Variants in COL4A3 observed in about 807,000 individuals in gnomAD.
COL4A3 encodes collagen alpha-3(IV) chain.
In COL4A3, 135 loss-of-function variants were observed where a neutral mutation model predicts 217.4. The ratio of observed to expected loss-of-function variants is 0.62; its 90% CI spans 0.54 to 0.72. The LOEUF is 0.72. Among genes scored for constraint, COL4A3 ranks in the 30% least tolerant of loss-of-function variants. COL4A3 has a pLI of 0.00. For synonymous variants in COL4A3, 690 were observed against 736.3 expected (o/e 0.94, Z 1.02); for missense variants, 1,868 against 2,119.9 (o/e 0.88, Z 2.33).
At chr2:227,227,014 A>T (rs1331190845) in intron 1 of COL4A3, among the ~76,000 whole-genome samples, 2 of 152,260 alleles carry the variant, frequency 1.3e-5, no homozygotes, top group Non-Finnish European at 2.9e-5. Context: ...TAAAGTTTAT[A>T]TAATTTTCAC....
intron 2 of COL4A3, among the ~76,000 whole-genome samples, chr2:227,238,779 A>G (rs927914240): frequency 2.0e-5 from 3 of 152,310 alleles, no homozygotes; most frequent in Non-Finnish European, 4.4e-5. Context: ...CTTATTTTAA[A>G]TTATTTCATA....
chr2:227,236,803 G>A (rs922656032), intron 1 of COL4A3, among the ~76,000 whole-genome samples: 1 of 151,966 alleles, frequency 6.6e-6, no homozygotes, highest in Non-Finnish European at 1.5e-5. Context: ...GGAATTACAG[G>A]AGCCCACCAC....
chr2:227,291,863 T>C (rs1253822631), intron 37 of COL4A3, among the ~76,000 whole-genome samples: 1 of 152,182 alleles, frequency 6.6e-6, no homozygotes, highest in East Asian at 1.9e-4. Context: ...TTGGCTGCTT[T>C]CTTAGGTTTA....
rs774838919 is a variant in COL4A3 at position 227,280,952 on chromosome 2, G to A, written c.2434G>A (p.Gly812Ser). 61 of 1,568,438 alleles carry A rather than the reference G, an allele frequency of 3.9e-5. No individual in the cohort carries two copies. The highest frequency in any genetic ancestry group is 1.3e-4 in the Admixed American group (7 of 53,930). The change falls in exon 31 of 52, where the codon GGT becomes AGT. Residue 812 changes from glycine to serine, a missense_variant. Around this residue, in one of 2 missense-constraint regions of COL4A3, gnomAD observed 1,503 missense variants for 1,786.1 expected, o/e 0.84. Coordinates refer to ENST00000396578, the MANE Select transcript of COL4A3 (RefSeq NM_000091.5). Reference sequence around the variant, plus strand: ...AGGACCCCCAGGAAGGTGCATAGAGGGTCCCAGGGGAGCCCAAGGACTTCC... The same window carrying A: ...AGGACCCCCAGGAAGGTGCATAGAGAGTCCCAGGGGAGCCCAAGGACTTCC... ...EQGPPGRCIE[G>S]PRGAQGLPGL...
intron 7 of COL4A3, 82 bp from the exon 8 acceptor site, chr2:227,247,476 T>C: frequency 3.0e-6 from 4 of 1,330,432 alleles, no homozygotes; most frequent in African/African-American, 1.4e-5. Context: ...GGATACACAA[T>C]AGCAGAGAGG....
chr2:227,272,987 G>T lies in COL4A3; in HGVS notation c.1797G>T (p.Gly599=), dbSNP rs938552760. The T allele has an allele frequency of 1.9e-6, 3 of 1,613,974 alleles. No individual in the cohort carries two copies. In the African/African-American group the frequency reaches 4.0e-5, roughly 22 times the overall value. Residue 599 remains glycine, a synonymous_variant, in exon 26 of 52, where the codon GGG becomes GGT. Transcript: ENST00000396578. ...AGAAAGGGGACCAAGGTCCTCCAGG[G>T]GATCCTGGCTCCCCTGGGTCCCCAG... ...SGEKGDQGPP[G]DPGSPGSPGP...
rs1206649395 is a variant in COL4A3, at chr2:227,259,783, C to T, written c.1030-10C>T. ...ATCCTTTCTCTGTATTTGTTTCTTT[C>T]TCCTCTAAGACAGAATATTATGACA... On this transcript the variant is annotated splice_polypyrimidine_tract_variant and intron_variant, in intron 18 of 51. Transcript: ENST00000396578. 3 of 1,589,508 alleles carry T rather than the reference C, an allele frequency of 1.9e-6. No homozygotes were observed. The African/African-American group carries it at 4.0e-5, about 21-fold the overall frequency.
Position 227,282,281 on chromosome 2 carries a change from T to TATATAC in COL4A3, c.2489-79_2489-78insCATATA. Reference sequence around the variant, plus strand: ...AGGGAGATTCCATCTTAAAAATATATATATATATATATATATATATTTCTG... The same window carrying TATATAC: ...AGGGAGATTCCATCTTAAAAATATATATATACATATATATATATATATATATTTCTG... On this transcript the variant is annotated intron_variant, in intron 31 of 51. Transcript: ENST00000396578. This position sits in a 1 kb window ranked among gnomAD's most constrained non-coding sequence, Gnocchi z 4.4. 4.1e-6 allele frequency: 1 copy of TATATAC among 246,800 alleles called. No homozygotes were observed. The allele number at this position is 246,800 out of a possible 1,614,324, so 15.3% of individuals were successfully genotyped here. A position where few individuals can be genotyped will look rare whatever the true frequency, so the allele number is the denominator to read the frequency against.
Position 227,164,777 on chromosome 2 carries a change from G to A in COL4A3, c.51G>A (p.Leu17=). 1 of 1,522,016 alleles carries A rather than the reference G, an allele frequency of 6.6e-7. No homozygotes were observed. The highest frequency in any genetic ancestry group is 8.8e-7 in the Non-Finnish European group (1 of 1,141,922). The allele number at this position is 1,522,016 out of a possible 1,614,324, so 94.3% of individuals were successfully genotyped here. ...CGCAGGTGCTCCTGCTGCCGCTCCT[G>A]CTGGTGCTCCTGGCGGCGGCGCCCG... The part of the protein sequence containing the change: ...PRPQVLLLPL[L]LVLLAAAPAA... Residue 17 remains leucine (L), a synonymous_variant, in exon 1 of 52, where the codon CTG becomes CTA. Transcript: ENST00000396578. The surrounding 1 kb of genome is among the most constrained non-coding windows in gnomAD (Gnocchi z 4.8).
rs1231144497 is a variant in COL4A3 at position 227,254,178 on chromosome 2, G to T, written c.828+4G>T. On this transcript the variant is annotated splice_donor_region_variant and intron_variant, in intron 14 of 51. Transcript: ENST00000396578. ...GCCTGGACCTCCTGGACCCTCAGTA[G>T]GTTATTTAAAGTTATATTGTCCCCA... 6.2e-7 allele frequency: 1 copy of T among 1,613,122 alleles called. No homozygotes were observed. The highest frequency in any genetic ancestry group is 1.1e-5 in the South Asian group (1 of 91,062).
rs375140456 is a variant in COL4A3, at chr2:227,313,464, C to A, written c.*1594C>A. On this transcript the variant is annotated 3_prime_UTR_variant, in exon 52 of 52. Coordinates refer to ENST00000396578, the MANE Select transcript of COL4A3 (RefSeq NM_000091.5). ...ACTAGTGTTATACTTGATGATAACA[C>A]TATTTGATGAGTCTTAGAGTCCAGA... is the stretch of plus-strand genomic sequence containing the variant. The A allele has an allele frequency of 6.6e-6, 1 of 152,614 alleles. No homozygotes were observed. The allele number at this position is 152,614 out of a possible 1,614,324, so 9.5% of individuals were successfully genotyped here.
At chr2:227,228,934 C>T (rs993937593) in intron 1 of COL4A3, among the ~76,000 whole-genome samples, 7 of 152,110 alleles carry the variant, frequency 4.6e-5, no homozygotes, top group African/African-American at 1.7e-4. Flanking sequence ...AGTAACAGCC[C>T]TCAGTGTATC....
intron 1 of COL4A3, among the ~76,000 whole-genome samples, chr2:227,185,010 T>C (rs2065978867): frequency 6.7e-6 from 1 of 148,460 alleles, no homozygotes; most frequent in Admixed American, 6.8e-5. Flanking sequence ...CATGCCATTC[T>C]CCTGTCTCAG....
At chr2:227,284,432 T>A in intron 34 of COL4A3, 87 bp downstream of exon 34, 1 of 1,472,322 alleles carries the variant, frequency 6.8e-7, no homozygotes, top group Non-Finnish European at 9.3e-7. Flanking sequence ...GGTTGACAAA[T>A]AAGGACAGTG....
At chr2:227,257,114 G>A (rs1033325701) in intron 17 of COL4A3, among the ~76,000 whole-genome samples, 1 of 152,170 alleles carries the variant, frequency 6.6e-6, no homozygotes, top group Non-Finnish European at 1.5e-5. Context: ...GTCCATCACT[G>A]ACCCAAACAT....
intron 11 of COL4A3, among the ~76,000 whole-genome samples, chr2:227,252,586 GCA>G (rs59472907): frequency 0.3 from 44,057 of 145,986 alleles, 6,479 homozygotes; most frequent in Middle Eastern, 0.47. Flanking sequence ...ACACACAAAT[GCA>G]CACACACACA....
rs1230244758 is a variant in COL4A3, at chr2:227,293,332, T to C, written c.3337+15T>C. 2.5e-6 allele frequency: 4 copies of C among 1,613,610 alleles called. No homozygotes were observed. In the Admixed American group the frequency reaches 5.0e-5, roughly 20 times the overall value. On this transcript the variant is annotated intron_variant, in intron 38 of 51. Transcript: ENST00000396578. Reference sequence around the variant, plus strand: ...TGGCCTCCCAGGTAAGGCTTGAGTTTACAATTCTAAAAGCTGGAAGCATTA... The same window carrying C: ...TGGCCTCCCAGGTAAGGCTTGAGTTCACAATTCTAAAAGCTGGAAGCATTA...
At chr2:227,280,285 A>G (rs1559894462) in intron 29 of COL4A3, among the ~76,000 whole-genome samples, 155 bp from the exon 30 acceptor site, 1 of 152,246 alleles carries the variant, frequency 6.6e-6, no homozygotes. Context: ...ATTAAACATA[A>G]TCTTACAGAA....
chr2:227,193,986 GA>G (rs1438672961), intron 1 of COL4A3, among the ~76,000 whole-genome samples: 1,940 of 67,516 alleles, frequency 0.029, 571 homozygotes, highest in East Asian at 0.072. Flanking sequence ...GAGAGAAGGA[GA>G]AGGAGAGGAG....
Sources: allele counts gnomAD v4.1 joint callset (sites outside exome capture counted in the v4.1 genomes callset), GRCh38; gene constraint gnomAD v4.1.1; regional missense constraint gnomAD v4.1.1; non-coding constraint Gnocchi (gnomAD v3.1); transcripts MANE v1.5; gene names NCBI Gene and HGNC (gene_info 2026-07-23, HGNC 2026-07-21).